Variants in SPINT2 observed in about 807,000 individuals in gnomAD.
SPINT2 encodes kunitz-type protease inhibitor 2.
In SPINT2, 18 loss-of-function variants were observed where a neutral mutation model predicts 30.1. The ratio of observed to expected loss-of-function variants is 0.60; its 90% CI spans 0.41 to 0.89. SPINT2 has a LOEUF of 0.89. Among genes scored for constraint, SPINT2 ranks in the 40% least tolerant of loss-of-function variants. The pLI is 0.00. For missense variants in SPINT2, 276 were observed against 334.3 expected (o/e 0.83, Z 1.36); for synonymous variants, 139 against 137.9 (o/e 1.01, Z -0.05).
chr19:38,265,003 G>A lies in SPINT2; in HGVS notation c.106+5G>A. On this transcript the variant is annotated splice_donor_5th_base_variant and intron_variant, in intron 1 of 6. Coordinates refer to ENST00000301244, the MANE Select transcript of SPINT2 (RefSeq NM_021102.4). ...ACCGAGAACGCAGCATCCACGGTGA[G>A]GGCCGGGCGGGTAGGCTGGAGGCGG... 6.5e-7 allele frequency: 1 copy of A among 1,530,660 alleles called. No homozygotes were observed. The allele number at this position is 1,530,660 out of a possible 1,614,324, so 94.8% of individuals were successfully genotyped here.
rs1281818332 is a variant in SPINT2, at chr19:38,289,121, A to G, written c.338-17A>G. 4 of 1,613,422 alleles carry G rather than the reference A, an allele frequency of 2.5e-6. No homozygotes were observed. The Admixed American group carries it at 6.7e-5, about 27-fold the overall frequency. On this transcript the variant is annotated splice_polypyrimidine_tract_variant and intron_variant, in intron 3 of 6. Transcript: ENST00000301244. ...GTGTCCGGCCCAGCCTCCCTAACAC[A>G]GATGTTTGTGTTTCAGCTCCCAGAA...
rs913636464 is a variant in SPINT2 at position 38,269,069 on chromosome 19, T to A, written c.106+4071T>A. On this transcript the variant is annotated intron_variant, in intron 1 of 6. Transcript: ENST00000301244. ...GTGTTAATGGTTACTTGGCTTAAGGTCTTTTGTTTTTGTTTTTGTTTGTTT... is the reference window on the plus strand; with the variant it reads ...GTGTTAATGGTTACTTGGCTTAAGGACTTTTGTTTTTGTTTTTGTTTGTTT... 2.0e-5 allele frequency among the ~76,000 whole-genome samples: 3 copies of A among 151,944 alleles called. No individual in the cohort carries two copies. In the East Asian group the frequency reaches 5.8e-4, roughly 29 times the overall value.
At chr19:38,275,381 G>A (rs1468710353) in intron 1 of SPINT2, among the ~76,000 whole-genome samples, 1 of 152,062 alleles carries the variant, frequency 6.6e-6, no homozygotes, top group African/African-American at 2.4e-5. Context: ...CTAGAGTGCA[G>A]TGGTGCGATC....
intron 4 of SPINT2, chr19:38,289,513 A>AAAAAAAAAT (rs1968688044): frequency 4.4e-6 from 1 of 226,010 alleles, no homozygotes; most frequent in Non-Finnish European, 8.7e-6. Flanking sequence ...AAAAAAAAAA[A>AAAAAAAAAT]CTCCGAAGAA....
rs1244249362 is a variant in SPINT2 at position 38,291,786 on chromosome 19, C to G, written c.593-54C>G. The G allele has an allele frequency of 3.1e-6, 5 of 1,597,304 alleles. No individual in the cohort carries two copies. In the Admixed American group the frequency reaches 5.1e-5, roughly 16 times the overall value. On this transcript the variant is annotated intron_variant, in intron 6 of 6. Coordinates refer to ENST00000301244, the MANE Select transcript of SPINT2 (RefSeq NM_021102.4). Reference sequence around the variant, plus strand: ...CCCCAGGCCCTTGGTGAGCGCCACTCTGGCTGCAACTCCCCTTGCCTGGCC... The same window carrying G: ...CCCCAGGCCCTTGGTGAGCGCCACTGTGGCTGCAACTCCCCTTGCCTGGCC...
At chr19:38,288,304 C>G (rs1410292254) in intron 3 of SPINT2, 1 of 384,756 alleles carries the variant, frequency 2.6e-6, no homozygotes, top group East Asian at 6.2e-5. Flanking sequence ...TGTTCTGTCT[C>G]CTCTGCTTCC....
chr19:38,271,531 A>G (rs951221798), intron 1 of SPINT2, among the ~76,000 whole-genome samples: 1 of 148,528 alleles, frequency 6.7e-6, no homozygotes, highest in African/African-American at 2.5e-5. Flanking sequence ...GGAGCCACTT[A>G]CAAGAGACCA....
chr19:38,275,445 C>T (rs1194125128), intron 1 of SPINT2, among the ~76,000 whole-genome samples: 2 of 152,106 alleles, frequency 1.3e-5, no homozygotes, highest in Non-Finnish European at 2.9e-5. Context: ...CCGCCTCAGC[C>T]TCCCGAGTAG....
At chr19:38,288,189 G>A (rs530701479) in intron 3 of SPINT2, among the ~76,000 whole-genome samples, 4 of 152,306 alleles carry the variant, frequency 2.6e-5, no homozygotes, top group Admixed American at 2.6e-4. Context: ...CCTCCTGGAG[G>A]ATGGGATGGA....
At position 38,282,877 on chromosome 19, in the gene SPINT2, G is replaced by A. The variant is rs555977893; in HGVS notation, c.107-750G>A. 1.6e-4 allele frequency among the ~76,000 whole-genome samples: 24 copies of A among 152,336 alleles called. No homozygotes were observed. In the South Asian group the frequency reaches 3.9e-3, roughly 25 times the overall value. ...AGGAAAAGCACGTGTGAGGACTACC[G>A]AGGGTGCTGATAGCGCCTCTCCTTC... On this transcript the variant is annotated intron_variant, in intron 1 of 6. Transcript: ENST00000301244.
At position 38,292,490 on chromosome 19, in the gene SPINT2, A is replaced by G. The variant is rs915251137; in HGVS notation, c.*484A>G. Reference sequence around the variant, plus strand: ...TTTCTTTATGGGAGTCCTAATTTCAACCCTACCAAAATGATCACAAGACAC... The same window carrying G: ...TTTCTTTATGGGAGTCCTAATTTCAGCCCTACCAAAATGATCACAAGACAC... On this transcript the variant is annotated 3_prime_UTR_variant, in exon 7 of 7. Transcript: ENST00000301244. 1 of 158,232 alleles carries G rather than the reference A, an allele frequency of 6.3e-6. No individual in the cohort carries two copies. The highest frequency in any genetic ancestry group is 1.4e-5 in the Non-Finnish European group (1 of 71,444). 9.8% of individuals were successfully genotyped at this position (158,232 alleles called of 1,614,324 possible). A position where few individuals can be genotyped will look rare whatever the true frequency, so the allele number is the denominator to read the frequency against.
chr19:38,282,616 T>G (rs568038587), intron 1 of SPINT2, among the ~76,000 whole-genome samples: 31 of 152,338 alleles, frequency 2.0e-4, no homozygotes, highest in African/African-American at 7.5e-4. Flanking sequence ...AACATTGGCT[T>G]TTGTTTCCCT....
rs1232997970 is a variant in SPINT2 at position 38,290,570 on chromosome 19, C to T, written c.587C>T (p.Ser196Leu). 1 of 1,613,914 alleles carries T rather than the reference C, an allele frequency of 6.2e-7. No homozygotes were observed. Among genetic ancestry groups the T allele is most frequent in the African/African-American group, 1.3e-5 (1 of 74,944 alleles). ...QQENPPLPLG[S>L]KVVVLAGLFV... ...GAGAATCCTCCCCTGCCCCTTGGCTCAAAGGGTAAGTGGCCCCTTACCCTC... is the reference window on the plus strand; with the variant it reads ...GAGAATCCTCCCCTGCCCCTTGGCTTAAAGGGTAAGTGGCCCCTTACCCTC... The change falls in exon 6 of 7, where the codon TCA (serine) becomes TTA (leucine). Residue 196 changes from serine to leucine, a missense_variant. Ser to Leu is a moderately radical substitution (Grantham distance 145). Transcript: ENST00000301244. This position sits in a 1 kb window ranked among gnomAD's most constrained non-coding sequence, Gnocchi z 4.3.
chr19:38,292,052 G>A lies in SPINT2; in HGVS notation c.*46G>A, dbSNP rs1968728538. The A allele has an allele frequency of 2.5e-6, 4 of 1,607,572 alleles. No homozygotes were observed. Among genetic ancestry groups the A allele is most frequent in the Non-Finnish European group, 3.4e-6 (4 of 1,177,256 alleles). On this transcript the variant is annotated 3_prime_UTR_variant, in exon 7 of 7. Transcript: ENST00000301244. The stretch of plus-strand genomic sequence containing the variant: ...CTGGGGAAGGGAGGGGAGACTATGT[G>A]TGAGCTTTTTTTAAATAGAGGGATT...
intron 1 of SPINT2, among the ~76,000 whole-genome samples, chr19:38,265,890 T>C (rs1408688843): frequency 6.6e-6 from 1 of 152,230 alleles, no homozygotes; most frequent in Non-Finnish European, 1.5e-5. Flanking sequence ...AATATTCCAG[T>C]GGGAGAGGCA....
At position 38,278,121 on chromosome 19, in the gene SPINT2, C is replaced by G. The variant is rs143387706; in HGVS notation, c.107-5506C>G. 3.2e-4 allele frequency among the ~76,000 whole-genome samples: 49 copies of G among 152,336 alleles called. No individual in the cohort carries two copies. In the East Asian group the frequency reaches 8.3e-3, roughly 26 times the overall value. On this transcript the variant is annotated intron_variant, in intron 1 of 6. Transcript: ENST00000301244. ...AAAATGTGTCCAGCCCATTTCCCCC[C>G]CAGCCCTGGCCGTTTCCTTTGGTAT...
chr19:38,288,798 C>T (rs1052088370), intron 3 of SPINT2: 5 of 318,166 alleles, frequency 1.6e-5, no homozygotes, highest in African/African-American at 8.6e-5. Flanking sequence ...CCCCCACACA[C>T]CAGCTCTGGT....
chr19:38,274,811 T>C (rs1239057603), intron 1 of SPINT2, among the ~76,000 whole-genome samples: 2 of 116,318 alleles, frequency 1.7e-5, no homozygotes, highest in African/African-American at 6.1e-5. Context: ...TGAGACTGTC[T>C]TAAAAAAAAA....
At chr19:38,266,481 C>T (rs55978203) in intron 1 of SPINT2, among the ~76,000 whole-genome samples, 1 of 151,752 alleles carries the variant, frequency 6.6e-6, no homozygotes, top group Non-Finnish European at 1.5e-5. Flanking sequence ...TTCAACACCA[C>T]CCTAGGCAAC....
Sources: gnomAD v4.1 joint callset for allele counts (sites outside exome capture counted in the v4.1 genomes callset) on GRCh38, gnomAD v4.1.1 for gene constraint, Gnocchi (gnomAD v3.1) non-coding constraint, MANE v1.5 for transcripts, NCBI Gene and HGNC (gene_info 2026-07-23, HGNC 2026-07-21) for gene names.